C9orf153: variants seen among roughly 807,000 people sequenced by gnomAD.
The protein encoded by C9orf153 is chromosome 9 open reading frame 153, also known as uncharacterized protein C9orf153.
In C9orf153, 10 loss-of-function variants were observed where a neutral mutation model predicts 9.0. The observed-to-expected ratio is 1.11, with a 90% CI of 0.69 to 1.89. C9orf153 has a LOEUF of 1.89. Ranked by LOEUF, C9orf153 falls within the 40% of genes most tolerant of loss-of-function variation. The pLI is 0.00. For missense variants in C9orf153, 108 were observed against 111.0 expected (o/e 0.97, Z 0.12); for synonymous variants, 35 against 37.3 (o/e 0.94, Z 0.23).
chr9:86,227,678 G>A lies in C9orf153; in HGVS notation c.242+177C>T, dbSNP rs572013017. 7.1e-6 allele frequency: 7 copies of A among 985,352 alleles called. No homozygotes were observed. In the South Asian group the frequency reaches 1.9e-4, roughly 26 times the overall value. The allele number at this position is 985,352 out of a possible 1,614,324, so 61.0% of individuals were successfully genotyped here. A position where few individuals can be genotyped will look rare whatever the true frequency, so the allele number is the denominator to read the frequency against. On this transcript the variant is annotated intron_variant, in intron 3 of 3. Transcript: ENST00000339137. The stretch of plus-strand genomic sequence containing the variant: ...TACGGTAACTTGGGCCAAGGCATTC[G>A]AGTGATCGGTGAGAATTTCATAAGG...
At chr9:86,240,420 A>G (rs962567479) in intron 1 of C9orf153, among the ~76,000 whole-genome samples, 3 of 137,644 alleles carry the variant, frequency 2.2e-5, no homozygotes, top group Non-Finnish European at 4.6e-5. Context: ...TCTGTCACCC[A>G]GGCTGGAGTG....
At chr9:86,246,524 T>C (rs1824867282) in intron 1 of C9orf153, among the ~76,000 whole-genome samples, 1 of 152,128 alleles carries the variant, frequency 6.6e-6, no homozygotes, top group South Asian at 2.1e-4. Flanking sequence ...AAGCAGCCAA[T>C]TAAAGCAGCC....
intron 1 of C9orf153, among the ~76,000 whole-genome samples, chr9:86,237,182 T>C (rs1053598070): frequency 6.6e-6 from 1 of 152,008 alleles, no homozygotes; most frequent in African/African-American, 2.4e-5. Flanking sequence ...AAAAAATATA[T>C]AATTGATATG....
At position 86,231,638 on chromosome 9, in the gene C9orf153, CAT is replaced by C. The variant is rs1038202097; in HGVS notation, c.-26-2011_-26-2010del. ...ATACATGTATGTATATGCATATATA[CAT>C]ATATATATAAAATCTCAAATACATT... is the stretch of plus-strand genomic sequence containing the variant. On this transcript the variant is annotated intron_variant, in intron 1 of 3. Coordinates refer to ENST00000339137, the MANE Select transcript of C9orf153 (RefSeq NM_001276366.4). Among the ~76,000 whole-genome samples the C allele has an allele frequency of 2.8e-5, 4 of 141,320 alleles. No homozygotes were observed. In the East Asian group the frequency reaches 5.8e-4, roughly 21 times the overall value. The allele number at this position is 141,320 out of a possible 152,430, so 92.7% of individuals were successfully genotyped here. A position where few individuals can be genotyped will look rare whatever the true frequency, so the allele number is the denominator to read the frequency against.
At position 86,225,699 on chromosome 9, in the gene C9orf153, G is replaced by T. The variant is rs183928061; in HGVS notation, c.242+2156C>A. 5.5e-4 allele frequency among the ~76,000 whole-genome samples: 83 copies of T among 152,234 alleles called. 2 individuals are homozygous for T. The East Asian group carries it at 0.013, about 23-fold the overall frequency. ...AGGGTTTCACCATGTTGTCCAGGCTGGTCTTGAACTCCTGACCTCAGGTGA... is the reference window on the plus strand; with the variant it reads ...AGGGTTTCACCATGTTGTCCAGGCTTGTCTTGAACTCCTGACCTCAGGTGA... On this transcript the variant is annotated intron_variant, in intron 3 of 3. Transcript: ENST00000339137.
At chr9:86,251,031 C>T (rs530734119) in intron 1 of C9orf153, among the ~76,000 whole-genome samples, 66 of 152,270 alleles carry the variant, frequency 4.3e-4, no homozygotes, top group Middle Eastern at 3.4e-3. Flanking sequence ...ATAGTTGAGA[C>T]TACAGGTGTG....
intron 1 of C9orf153, 107 bp from the exon 2 acceptor site, chr9:86,229,736 C>T: frequency 1.6e-6 from 1 of 639,686 alleles, no homozygotes; most frequent in South Asian, 1.9e-5. Context: ...GTGAGTGGGA[C>T]ATTTTGAAAA....
intron 1 of C9orf153, among the ~76,000 whole-genome samples, chr9:86,252,879 A>C (rs1048041972): frequency 2.0e-5 from 3 of 152,248 alleles, no homozygotes; most frequent in Non-Finnish European, 4.4e-5. Context: ...CATCAAGCAA[A>C]ATAAAAGTTA....
intron 1 of C9orf153, among the ~76,000 whole-genome samples, chr9:86,235,945 G>C (rs951963702): frequency 6.6e-6 from 1 of 151,826 alleles, no homozygotes; most frequent in Admixed American, 6.6e-5. Context: ...TGTACACCAA[G>C]CCACAGATCC....
chr9:86,252,651 G>C (rs1825022748), intron 1 of C9orf153, among the ~76,000 whole-genome samples: 1 of 152,184 alleles, frequency 6.6e-6, no homozygotes, highest in Non-Finnish European at 1.5e-5. Context: ...TATCAAATAA[G>C]AAATGGTGTT....
At chr9:86,229,895 T>C (rs1824431384) in intron 1 of C9orf153, among the ~76,000 whole-genome samples, 1 of 151,888 alleles carries the variant, frequency 6.6e-6, no homozygotes, top group Admixed American at 6.6e-5. Flanking sequence ...TTACAATTAT[T>C]GGGGGAAGGC....
chr9:86,237,899 C>A (rs1026884548), intron 1 of C9orf153, among the ~76,000 whole-genome samples: 1 of 151,876 alleles, frequency 6.6e-6, no homozygotes, highest in Non-Finnish European at 1.5e-5. Context: ...GCCAACATGG[C>A]GAAACCCTGT....
intron 3 of C9orf153, among the ~76,000 whole-genome samples, chr9:86,226,184 A>G (rs969860299): frequency 6.6e-6 from 1 of 152,188 alleles, no homozygotes; most frequent in Non-Finnish European, 1.5e-5. Context: ...CTATGAAAGG[A>G]TTTCGAAGCC....
chr9:86,231,172 C>A (rs1824460558), intron 1 of C9orf153, among the ~76,000 whole-genome samples: 1 of 152,182 alleles, frequency 6.6e-6, no homozygotes, highest in Admixed American at 6.5e-5. Context: ...GCATAAGCAA[C>A]CTCAGCCAAT....
chr9:86,257,991 T>C (rs908609115), intron 1 of C9orf153, among the ~76,000 whole-genome samples: 1 of 152,170 alleles, frequency 6.6e-6, no homozygotes, highest in Non-Finnish European at 1.5e-5. Flanking sequence ...GCCAGATTGC[T>C]TTCTTGTGTG....
chr9:86,229,836 T>C (rs1455490029), intron 1 of C9orf153, among the ~76,000 whole-genome samples: 1 of 152,196 alleles, frequency 6.6e-6, no homozygotes, highest in Non-Finnish European at 1.5e-5. Flanking sequence ...AATTGGCTCA[T>C]GGTTCTGCAC....
intron 1 of C9orf153, among the ~76,000 whole-genome samples, chr9:86,240,237 A>G (rs1383559077): frequency 6.6e-6 from 1 of 152,204 alleles, no homozygotes; most frequent in Non-Finnish European, 1.5e-5. Context: ...CTAGCATCAA[A>G]GAGCTTATAA....
rs138006404 is a variant in C9orf153 at position 86,255,754 on chromosome 9, A to C, written c.-27+3796T>G. Among the ~76,000 whole-genome samples, 354 of 152,200 alleles carry C rather than the reference A, an allele frequency of 2.3e-3. 6 individuals carry two copies. The highest frequency in any genetic ancestry group is 0.022 in the Admixed American group (331 of 15,282). On this transcript the variant is annotated intron_variant, in intron 1 of 3. Coordinates refer to ENST00000339137, the MANE Select transcript of C9orf153 (RefSeq NM_001276366.4). ...GTTCTTTCCTATGTGCACATAAATA[A>C]ATTCGTATGCCTTTTCTCCAGTGAA...
At chr9:86,228,469 G>A (rs1191736872) in intron 2 of C9orf153, among the ~76,000 whole-genome samples, 1 of 152,168 alleles carries the variant, frequency 6.6e-6, no homozygotes, top group Non-Finnish European at 1.5e-5. Flanking sequence ...GCTTCATCCT[G>A]TTGTCCAAAG....
Sources: allele counts gnomAD v4.1 joint callset (sites outside exome capture counted in the v4.1 genomes callset), GRCh38; gene constraint gnomAD v4.1.1; transcripts MANE v1.5; gene names NCBI Gene and HGNC (gene_info 2026-07-23, HGNC 2026-07-21).